Variants in ACTR2 observed in about 807,000 individuals in gnomAD.
ACTR2 encodes the protein actin-related protein 2.
In ACTR2, 5 loss-of-function variants were observed where a neutral mutation model predicts 50.2. The observed-to-expected ratio is 0.10, with a 90% CI of 0.05 to 0.21. The LOEUF (loss-of-function observed/expected upper bound fraction) is 0.21, where lower values mean the gene tolerates loss of function less well. Among genes scored for constraint, ACTR2 ranks in the 10% least tolerant of loss-of-function variants. The pLI is 1.00. For synonymous variants in ACTR2, 140 were observed against 162.9 expected, an observed-to-expected ratio of 0.86 and a Z score of 1.07; for missense variants, 180 against 480.6, an observed-to-expected ratio of 0.37 and a Z score of 5.85.
rs200075318 is a variant in ACTR2 at position 65,254,688 on chromosome 2, C to T, written c.585+824C>T. Among the ~76,000 whole-genome samples, 3 of 152,130 alleles carry T rather than the reference C, an allele frequency of 2.0e-5. No individual in the cohort carries two copies. The East Asian group carries it at 5.8e-4, about 29-fold the overall frequency. On this transcript the variant is annotated intron_variant, in intron 5 of 8. Transcript: ENST00000260641. ...ACTGAACATTCTATAATGAATAGGG[C>T]TGGCTGCACAACAAACAATGTATAG...
chr2:65,259,595 G>A (rs1057323729), intron 6 of ACTR2, among the ~76,000 whole-genome samples: 2 of 152,008 alleles, frequency 1.3e-5, no homozygotes, highest in Admixed American at 6.6e-5. Context: ...CAGGCGTGGT[G>A]GCACATGCCT....
At chr2:65,246,796 AAAATT>A in intron 3 of ACTR2, 57 bp downstream of exon 3, 2 of 1,273,852 alleles carry the variant, frequency 1.6e-6, no homozygotes, top group Non-Finnish European at 2.2e-6. Flanking sequence ...TGTTAAATCA[AAAATT>A]TTCTTACTGT....
At chr2:65,241,585 A>G (rs1271205711) in intron 2 of ACTR2, among the ~76,000 whole-genome samples, 1 of 152,152 alleles carries the variant, frequency 6.6e-6, no homozygotes, top group Non-Finnish European at 1.5e-5. Context: ...GAAAACAGCA[A>G]AAGATACCTG....
In ACTR2 at chr2:65,249,220, A is replaced by G. The variant is rs181490089; in HGVS notation, c.376-1807A>G. The stretch of plus-strand genomic sequence containing the variant: ...TAATGTACATATTTTGTTTACGAAT[A>G]TGTTTAAATGTTGATGGAAATTTTT... On this transcript the variant is annotated intron_variant, in intron 3 of 8. Transcript: ENST00000260641. Among the ~76,000 whole-genome samples the G allele has an allele frequency of 1.8e-3, 272 of 152,324 alleles. 2 individuals are homozygous for G. Among genetic ancestry groups the G allele is most frequent in the Non-Finnish European group, 3.1e-3 (214 of 68,030 alleles).
At position 65,268,846 on chromosome 2, in the gene ACTR2, C is replaced by G. The variant is rs929150431; in HGVS notation, c.*112C>G. On this transcript the variant is annotated 3_prime_UTR_variant, in exon 9 of 9. Coordinates refer to ENST00000260641, the MANE Select transcript of ACTR2 (RefSeq NM_005722.4). The stretch of plus-strand genomic sequence containing the variant: ...GAAGAGGCCTCTCTCTGCCCTTTGA[C>G]TGGAAAGGTCAAGTTTTATTCTGGT... 8 of 1,178,354 alleles carry G rather than the reference C, an allele frequency of 6.8e-6. No individual in the cohort carries two copies. In the African/African-American group the frequency reaches 1.1e-4, roughly 16 times the overall value. 73.0% of individuals were successfully genotyped at this position (1,178,354 alleles called of 1,614,324 possible). A position where few individuals can be genotyped will look rare whatever the true frequency, so the allele number is the denominator to read the frequency against.
At chr2:65,247,783 A>G (rs1432061726) in intron 3 of ACTR2, among the ~76,000 whole-genome samples, 2 of 152,148 alleles carry the variant, frequency 1.3e-5, no homozygotes, top group East Asian at 3.9e-4. Flanking sequence ...ATCGTGTATA[A>G]GTGGACCTGT....
chr2:65,234,146 A>C (rs1251410321), intron 1 of ACTR2, among the ~76,000 whole-genome samples: 1 of 152,082 alleles, frequency 6.6e-6, no homozygotes, highest in East Asian at 1.9e-4. Context: ...TCCTGGGCCC[A>C]AGCAATCCAC....
intron 8 of ACTR2, among the ~76,000 whole-genome samples, chr2:65,266,008 G>A (rs769942353): frequency 1.2e-4 from 18 of 152,170 alleles, no homozygotes; most frequent in Non-Finnish European, 2.5e-4. Flanking sequence ...GAGCCATACT[G>A]TCTAAGTACT....
intron 1 of ACTR2, among the ~76,000 whole-genome samples, chr2:65,239,034 A>C (rs934012105): frequency 2.6e-5 from 4 of 152,244 alleles, no homozygotes; most frequent in Admixed American, 6.5e-5. Flanking sequence ...TATTAGTTTA[A>C]ATGACACTTG....
intron 3 of ACTR2, among the ~76,000 whole-genome samples, chr2:65,247,354 G>A (rs375357051): frequency 3.3e-5 from 5 of 152,018 alleles, no homozygotes; most frequent in Middle Eastern, 3.4e-3. Flanking sequence ...TTTGGGAGGC[G>A]GAGGCGGGCA....
At position 65,231,288 on chromosome 2, in the gene ACTR2, A is replaced by G. The variant is rs1280562323; in HGVS notation, c.48+3331A>G. On this transcript the variant is annotated intron_variant, in intron 1 of 8. Coordinates refer to ENST00000260641, the MANE Select transcript of ACTR2 (RefSeq NM_005722.4). ...TGAAGAAACAGTGCTGTTAAAATACATGAATCATATAACAGGAATGCTGTA... is the reference window on the plus strand; with the variant it reads ...TGAAGAAACAGTGCTGTTAAAATACGTGAATCATATAACAGGAATGCTGTA... Among the ~76,000 whole-genome samples, 6 of 152,354 alleles carry G rather than the reference A, an allele frequency of 3.9e-5. No homozygotes were observed. In the East Asian group the frequency reaches 1.2e-3, roughly 29 times the overall value.
rs534098102 is a variant in ACTR2 at position 65,241,013 on chromosome 2, T to C, written c.159+1051T>C. ...TGGGTTCTGTGTTAGTTTTTTTTTT[T>C]CAGAGTTAAAGTAGCGAATTTTTCT... On this transcript the variant is annotated intron_variant, in intron 2 of 8. Coordinates refer to ENST00000260641, the MANE Select transcript of ACTR2 (RefSeq NM_005722.4). 4.6e-5 allele frequency among the ~76,000 whole-genome samples: 7 copies of C among 152,098 alleles called. No individual in the cohort carries two copies. The South Asian group carries it at 1.5e-3, about 32-fold the overall frequency.
At chr2:65,232,552 G>A (rs1258266489) in intron 1 of ACTR2, among the ~76,000 whole-genome samples, 1 of 152,116 alleles carries the variant, frequency 6.6e-6, no homozygotes, top group Non-Finnish European at 1.5e-5. Context: ...CAGTCACTGT[G>A]CAGTTAACTT....
At chr2:65,234,935 G>A (rs1573147788) in intron 1 of ACTR2, among the ~76,000 whole-genome samples, 1 of 152,032 alleles carries the variant, frequency 6.6e-6, no homozygotes, top group African/African-American at 2.4e-5. Flanking sequence ...ATTACTTGGA[G>A]GTAGGCATAA....
chr2:65,255,455 G>C (rs1672132933), intron 5 of ACTR2, 90 bp from the exon 6 acceptor site: 1 of 1,154,090 alleles, frequency 8.7e-7, no homozygotes, highest in Non-Finnish European at 1.2e-6. Context: ...GTTTGTTATT[G>C]ATGTGACATA....
At chr2:65,253,076 C>G (rs1193930429) in intron 4 of ACTR2, among the ~76,000 whole-genome samples, 1 of 152,120 alleles carries the variant, frequency 6.6e-6, no homozygotes, top group Non-Finnish European at 1.5e-5. Context: ...CCAGAACACA[C>G]AGTATATGTT....
At chr2:65,246,060 T>C (rs1671932537) in intron 2 of ACTR2, 1 of 153,710 alleles carries the variant, frequency 6.5e-6, no homozygotes, top group African/African-American at 2.4e-5. Flanking sequence ...TTTTTGCTTC[T>C]TTCATTATGC....
At chr2:65,263,209 T>A (rs541750444) in intron 7 of ACTR2, among the ~76,000 whole-genome samples, 81 of 150,692 alleles carry the variant, frequency 5.4e-4, no homozygotes, top group African/African-American at 1.5e-3. Flanking sequence ...AGGGACATTT[T>A]AAATTTTTTT....
chr2:65,252,858 TTGAGAGGCTGAGG>T (rs1672079913), intron 4 of ACTR2, among the ~76,000 whole-genome samples: 1 of 152,066 alleles, frequency 6.6e-6, no homozygotes, highest in Non-Finnish European at 1.5e-5. Context: ...TCCCAGCCAC[TTGAGAGGCTGAGG>T]TGAGATGATC....
Sources: gnomAD v4.1 joint callset for allele counts (sites outside exome capture counted in the v4.1 genomes callset) on GRCh38, gnomAD v4.1.1 for gene constraint, MANE v1.5 for transcripts, NCBI Gene and HGNC (gene_info 2026-07-23, HGNC 2026-07-21) for gene names.